AMOTL2: variants seen among roughly 807,000 people sequenced by gnomAD.
AMOTL2 encodes the protein angiomotin-like protein 2.
AMOTL2 carries 33 observed loss-of-function variants against 78.4 expected under a neutral mutation model. The observed-to-expected ratio is 0.42, with a 90% CI of 0.32 to 0.56. The LOEUF is 0.56. Among genes scored for constraint, AMOTL2 ranks in the 20% least tolerant of loss-of-function variants. The pLI is 0.12. For missense variants in AMOTL2, 983 were observed against 1,030.1 expected (o/e 0.95, Z 0.63); for synonymous variants, 422 against 428.8 (o/e 0.98, Z 0.20).
intron 9 of AMOTL2, 30 bp from the exon 10 acceptor site, chr3:134,357,793 C>A: frequency 6.2e-7 from 1 of 1,604,586 alleles, no homozygotes; most frequent in Non-Finnish European, 8.5e-7. Flanking sequence ...CAGGCACATG[C>A]CAATGAGTGT....
At position 134,361,544 on chromosome 3, in the gene AMOTL2, C is replaced by G; in HGVS notation, c.1543G>C (p.Glu515Gln). Residue 515 changes from glutamate (E) to glutamine (Q), a missense_variant, in exon 6 of 10, where the codon GAG becomes CAG. Transcript: ENST00000249883. ...QLELRLRTRL[E>Q]QELKALRAQQ... ...GCACGCAGGGCCTTGAGTTCCTGCT[C>G]CAGGCGAGTCCGCAGACGCAGCTCC... is the stretch of plus-strand genomic sequence containing the variant. 6.2e-7 allele frequency: 1 copy of G among 1,612,800 alleles called. No homozygotes were observed.
intron 2 of AMOTL2, 30 bp from the exon 3 acceptor site, chr3:134,367,833 A>G (rs2017680643): frequency 3.7e-6 from 6 of 1,610,782 alleles, no homozygotes; most frequent in Admixed American, 1.7e-5. Context: ...GTGCTCAGAG[A>G]CAGCACAGAC....
intron 2 of AMOTL2, among the ~76,000 whole-genome samples, chr3:134,368,458 C>G (rs2017706398): frequency 6.6e-6 from 1 of 152,144 alleles, no homozygotes; most frequent in Non-Finnish European, 1.5e-5. Context: ...GGGTAAGAGT[C>G]TGAGCTCTAG....
Position 134,371,141 on chromosome 3 carries a change from G to A in AMOTL2, c.293C>T (p.Pro98Leu), listed in dbSNP as rs2017842282. 1 of 1,613,850 alleles carries A rather than the reference G, an allele frequency of 6.2e-7. No homozygotes were observed. Among genetic ancestry groups the A allele is most frequent in the Non-Finnish European group, 8.5e-7 (1 of 1,179,922 alleles). The change falls in exon 2 of 10, where the codon CCC (proline) becomes CTC (leucine). Residue 98 changes from proline to leucine, a missense_variant. Pro to Leu is a moderately conservative substitution (Grantham distance 98, BLOSUM62 -3). Coordinates refer to ENST00000249883, the MANE Select transcript of AMOTL2 (RefSeq NM_016201.4). ...GGTGGGCAGCTCCTCTCCCTTGCTG[G>A]GCTGTGGGCATAGCCGGTAGAGGGT... Reference protein sequence around the residue: ...ENTLYRLCPQPSKGEELPTYE... With the variant: ...ENTLYRLCPQLSKGEELPTYE...
At chr3:134,364,136 C>A (rs1303649683) in intron 5 of AMOTL2, among the ~76,000 whole-genome samples, 1 of 152,116 alleles carries the variant, frequency 6.6e-6, no homozygotes, top group Admixed American at 6.5e-5. Flanking sequence ...ACGTTCCAGG[C>A]TCCCTTTGTG....
At position 134,367,712 on chromosome 3, in the gene AMOTL2, G is replaced by A. The variant is rs1398732524; in HGVS notation, c.826C>T (p.His276Tyr). The A allele has an allele frequency of 1.2e-6, 2 of 1,613,770 alleles. No individual in the cohort carries two copies. The highest frequency in any genetic ancestry group is 1.7e-6 in the Non-Finnish European group (2 of 1,180,014). Residue 276 changes from histidine to tyrosine, a missense_variant, in exon 3 of 10, where the codon CAT (histidine) becomes TAT (tyrosine). By Grantham distance (83) the His-to-Tyr change is moderately conservative. Coordinates refer to ENST00000249883, the MANE Select transcript of AMOTL2 (RefSeq NM_016201.4). The part of the protein sequence containing the change: ...QQSQEHPPPP[H>Y]PAALGHGPLS... ...GGGCCATGGCCGAGAGCAGCTGGAT[G>A]TGGGGGAGGGGGGTGCTCCTGAGAT...
intron 1 of AMOTL2, among the ~76,000 whole-genome samples, chr3:134,373,274 C>T (rs1305013093): frequency 6.6e-6 from 1 of 152,122 alleles, no homozygotes; most frequent in East Asian, 1.9e-4. Flanking sequence ...GCGGGCATTT[C>T]CTATGATAAT....
Position 134,367,771 on chromosome 3 carries a change from A to G in AMOTL2, c.767T>C (p.Leu256Pro). The G allele has an allele frequency of 6.2e-7, 1 of 1,613,626 alleles. No homozygotes were observed. The highest frequency in any genetic ancestry group is 1.1e-5 in the South Asian group (1 of 91,058). ...GTACTGGTACTGCTGCTGCTGTTGG[A>G]GGAACACAGGAGGCACCTGGGCCTG... ...ILQAQVPPVF[L>P]QQQQQYQYLQ... The change falls in exon 3 of 10, where the codon CTC becomes CCC. Residue 256 changes from leucine to proline, a missense_variant. Physicochemically the swap from Leu to Pro is moderately conservative, Grantham distance 98. Coordinates refer to ENST00000249883, the MANE Select transcript of AMOTL2 (RefSeq NM_016201.4).
Position 134,359,651 on chromosome 3 carries a change from C to T in AMOTL2, c.1884-148G>A, listed in dbSNP as rs901995310. On this transcript the variant is annotated intron_variant, in intron 7 of 9. Coordinates refer to ENST00000249883, the MANE Select transcript of AMOTL2 (RefSeq NM_016201.4). ...TCCTTCTGTGCTTGTAGCAGGGACC[C>T]AGAGAGGGCTTAGAAATGGCACCAC... 8 of 670,598 alleles carry T rather than the reference C, an allele frequency of 1.2e-5. 2 individuals are homozygous for T. In the South Asian group the frequency reaches 1.6e-4, roughly 13 times the overall value. 41.5% of individuals were successfully genotyped at this position (670,598 alleles called of 1,614,324 possible). A position where few individuals can be genotyped will look rare whatever the true frequency, so the allele number is the denominator to read the frequency against.
At position 134,372,680 on chromosome 3, in the gene AMOTL2, GAAGT is replaced by G. The variant is rs141992147; in HGVS notation, c.-61-1190_-61-1187del. On this transcript the variant is annotated intron_variant, in intron 1 of 9. Coordinates refer to ENST00000249883, the MANE Select transcript of AMOTL2 (RefSeq NM_016201.4). ...CCCATCTTGACTTGGGCCAACTGGA[GAAGT>G]AAGGGGAGGCTGTTGGTTGAGAGAC... is the stretch of plus-strand genomic sequence containing the variant. Among the ~76,000 whole-genome samples the G allele has an allele frequency of 5.5e-4, 84 of 152,302 alleles. 1 individual carries two copies. In the East Asian group the frequency reaches 0.015, roughly 28 times the overall value.
intron 6 of AMOTL2, 89 bp downstream of exon 6, chr3:134,361,423 G>A: frequency 1.4e-6 from 2 of 1,434,554 alleles, no homozygotes; most frequent in South Asian, 2.8e-5. Context: ...CGGGGCCTCA[G>A]CCCTGGCCTC....
Position 134,370,898 on chromosome 3 carries a change from C to T in AMOTL2, c.536G>A (p.Ser179Asn), listed in dbSNP as rs199746406. 1.2e-6 allele frequency: 2 copies of T among 1,612,384 alleles called. No homozygotes were observed. Among genetic ancestry groups the T allele is most frequent in the African/African-American group, 2.7e-5 (2 of 75,040 alleles). Reference sequence around the variant, plus strand: ...CAGCTGTGGGAAGCTGTGGGAGGAGCTCATGTGGCTGGGGGCCCGGGCGCC... The same window carrying T: ...CAGCTGTGGGAAGCTGTGGGAGGAGTTCATGTGGCTGGGGGCCCGGGCGCC... Reference protein sequence around the residue: ...RNGARAPSHMSSSHSFPQLAR... With the variant: ...RNGARAPSHMNSSHSFPQLAR... The change falls in exon 2 of 10, where the codon AGC (serine) becomes AAC (asparagine). Residue 179 changes from serine (S) to asparagine (N), a missense_variant. Transcript: ENST00000249883.
intron 6 of AMOTL2, among the ~76,000 whole-genome samples, chr3:134,361,274 C>T (rs2017348254): frequency 1.3e-5 from 2 of 152,168 alleles, no homozygotes; most frequent in South Asian, 2.1e-4. Context: ...AGGAGTCCCC[C>T]GAGGCTGGAC....
chr3:134,370,822 T>G lies in AMOTL2; in HGVS notation c.612A>C (p.Pro204=), dbSNP rs2017814595. 6.3e-7 allele frequency: 1 copy of G among 1,582,430 alleles called. No individual in the cohort carries two copies. Among genetic ancestry groups the G allele is most frequent in the African/African-American group, 1.3e-5 (1 of 74,104 alleles). ...ACTGAGGTGGGGGTCCTCGGGACTC[T>G]GGGCCCTCAGCAGGGGGGCCCCTCA... ...PPLRGPPAEG[P]ESRGPPPQYP... is the part of the protein sequence containing the mutation. The change falls in exon 2 of 10, where the codon CCA becomes CCC. Residue 204 remains proline (P), a synonymous_variant. Transcript: ENST00000249883.
chr3:134,368,042 G>A (rs1390018253), intron 2 of AMOTL2, among the ~76,000 whole-genome samples: 1 of 152,156 alleles, frequency 6.6e-6, no homozygotes, highest in Non-Finnish European at 1.5e-5. Flanking sequence ...CAGACAGCAG[G>A]GCTAGAGGGG....
At chr3:134,365,334 A>G (rs1305255752) in intron 5 of AMOTL2, among the ~76,000 whole-genome samples, 1 of 152,204 alleles carries the variant, frequency 6.6e-6, no homozygotes, top group Non-Finnish European at 1.5e-5. Context: ...CTAGGATCCC[A>G]TTTTTGGCTG....
rs1015504551 is a variant in AMOTL2, at chr3:134,357,188, A to G, written c.*517T>C. The stretch of plus-strand genomic sequence containing the variant: ...GTCCCCAAAAAATTCAAGTCTTAGT[A>G]TCCCAAGAAGGCAGTGAGGAACTGA... On this transcript the variant is annotated 3_prime_UTR_variant, in exon 10 of 10. Transcript: ENST00000249883. 2 of 164,258 alleles carry G rather than the reference A, an allele frequency of 1.2e-5. No homozygotes were observed. Among genetic ancestry groups the G allele is most frequent in the African/African-American group, 2.4e-5 (1 of 41,894 alleles). 10.2% of individuals were successfully genotyped at this position (164,258 alleles called of 1,614,324 possible). A position where few individuals can be genotyped will look rare whatever the true frequency, so the allele number is the denominator to read the frequency against.
rs1428399964 is a variant in AMOTL2, at chr3:134,367,664, C to A, written c.874G>T (p.Ala292Ser). 6.2e-7 allele frequency: 1 copy of A among 1,613,472 alleles called. No homozygotes were observed. The highest frequency in any genetic ancestry group is 8.5e-7 in the Non-Finnish European group (1 of 1,180,028). The change falls in exon 3 of 10, where the codon GCT (alanine) becomes TCT (serine). Residue 292 changes from alanine (A) to serine (S), a missense_variant. Ala to Ser is a moderately conservative substitution (Grantham distance 99). Transcript: ENST00000249883. Reference sequence around the variant, plus strand: ...TGGGCACTCACTGGCCCCTCCACAGCAGGTGGACTGAGGGAGCTCAGGGGG... The same window carrying A: ...TGGGCACTCACTGGCCCCTCCACAGAAGGTGGACTGAGGGAGCTCAGGGGG... ...HGPLSSLSPP[A>S]VEGPVSAQAS... is the part of the protein sequence containing the mutation.
chr3:134,373,981 G>T, intron 1 of AMOTL2: 1 of 386,994 alleles, frequency 2.6e-6, no homozygotes, highest in Non-Finnish European at 3.5e-6. Flanking sequence ...GCAGGACCCT[G>T]CAACTTGAGC....
Sources: allele counts gnomAD v4.1 joint callset (sites outside exome capture counted in the v4.1 genomes callset), GRCh38; gene constraint gnomAD v4.1.1; transcripts MANE v1.5; gene names NCBI Gene and HGNC (gene_info 2026-07-23, HGNC 2026-07-21).